Variants in NKAIN2 observed in about 807,000 individuals in gnomAD.
The protein encoded by NKAIN2 is sodium/potassium-transporting ATPase subunit beta-1-interacting protein 2.
In NKAIN2, 14 loss-of-function variants were observed where a neutral mutation model predicts 32.6. That is an observed-to-expected ratio of 0.43 (90% CI 0.28 to 0.67). NKAIN2 has a LOEUF of 0.67. Among genes scored for constraint, NKAIN2 ranks in the 30% least tolerant of loss-of-function variants. The pLI is 0.17. For synonymous variants in NKAIN2, 80 were observed against 87.2 expected, an observed-to-expected ratio of 0.92 and a Z score of 0.46; for missense variants, 198 against 258.3, an observed-to-expected ratio of 0.77 and a Z score of 1.60.
intron 1 of NKAIN2, among the ~76,000 whole-genome samples, chr6:123,908,159 T>G (rs1774985768): frequency 6.6e-6 from 1 of 152,184 alleles, no homozygotes; most frequent in South Asian, 2.1e-4. Flanking sequence ...TTCCCTTGCA[T>G]TTATCTTTGC....
In NKAIN2 at chr6:124,333,180, C is replaced by T. The variant is rs151205061; in HGVS notation, c.193-22087C>T. ...GAATATATGTATAGCACTTGGCCCT[C>T]GTGGCAAATTACTTGACACTAATAA... On this transcript the variant is annotated intron_variant, in intron 2 of 6. Coordinates refer to ENST00000368417, the MANE Select transcript of NKAIN2 (RefSeq NM_001040214.3). 1.5e-3 allele frequency among the ~76,000 whole-genome samples: 226 copies of T among 152,246 alleles called. 1 individual carries two copies. The highest frequency in any genetic ancestry group is 5.0e-3 in the African/African-American group (208 of 41,546).
chr6:124,239,440 A>G (rs1379558601), intron 1 of NKAIN2, among the ~76,000 whole-genome samples: 1 of 152,206 alleles, frequency 6.6e-6, no homozygotes, highest in Non-Finnish European at 1.5e-5. Flanking sequence ...AACAGAATAT[A>G]CATTCTTCTC....
chr6:124,651,561 C>T (rs568637397), intron 3 of NKAIN2, among the ~76,000 whole-genome samples: 1 of 152,166 alleles, frequency 6.6e-6, no homozygotes, highest in South Asian at 2.1e-4. Context: ...TGCCTCAAGG[C>T]TTACTGCTTG....
intron 2 of NKAIN2, among the ~76,000 whole-genome samples, chr6:124,349,580 T>C (rs1481947701): frequency 6.6e-6 from 1 of 152,198 alleles, no homozygotes; most frequent in Non-Finnish European, 1.5e-5. Context: ...CCCTGTAGCT[T>C]CTGTTGCAGT....
chr6:123,805,051 A>G (rs1045444093), intron 1 of NKAIN2, among the ~76,000 whole-genome samples: 3 of 152,206 alleles, frequency 2.0e-5, no homozygotes, highest in African/African-American at 7.2e-5. Context: ...GGAACCAATA[A>G]TGGAAAACGT....
chr6:124,412,301 G>T (rs1183466409), intron 3 of NKAIN2, among the ~76,000 whole-genome samples: 2 of 152,032 alleles, frequency 1.3e-5, no homozygotes, highest in African/African-American at 4.8e-5. Context: ...CCCCATCTTT[G>T]TGGTTTTATC....
rs1780024448 is a variant in NKAIN2, at chr6:124,796,926, C to T, written c.535+5527C>T. Among the ~76,000 whole-genome samples, 5 of 152,096 alleles carry T rather than the reference C, an allele frequency of 3.3e-5. No individual in the cohort carries two copies. The South Asian group carries it at 1.0e-3, about 32-fold the overall frequency. On this transcript the variant is annotated intron_variant, in intron 5 of 6. Transcript: ENST00000368417. ...GCCTCCCGTCTTCTATTCCCCTCTA[C>T]TTGTTCTCTTTTACACTATTCTGTA...
chr6:124,809,060 A>C (rs1359713057), intron 5 of NKAIN2, among the ~76,000 whole-genome samples: 2 of 152,210 alleles, frequency 1.3e-5, no homozygotes, highest in East Asian at 1.9e-4. Flanking sequence ...ATACTGCCCA[A>C]GGTAATTTAC....
chr6:124,401,757 T>A (rs1385892749), intron 3 of NKAIN2, among the ~76,000 whole-genome samples: 2 of 152,186 alleles, frequency 1.3e-5, no homozygotes, highest in Non-Finnish European at 2.9e-5. Flanking sequence ...CATTTTTCTA[T>A]TGGGTTTTTG....
chr6:124,062,735 C>G (rs1782975418), intron 1 of NKAIN2, among the ~76,000 whole-genome samples: 1 of 152,134 alleles, frequency 6.6e-6, no homozygotes, highest in South Asian at 2.1e-4. Flanking sequence ...AGTGAATCCT[C>G]TCTATGACTT....
At chr6:123,903,793 T>A (rs1400487240) in intron 1 of NKAIN2, among the ~76,000 whole-genome samples, 2 of 152,208 alleles carry the variant, frequency 1.3e-5, no homozygotes, top group African/African-American at 4.8e-5. Context: ...TTATTTAACT[T>A]GGTTAATAAG....
chr6:124,790,641 C>T (rs1012112083), intron 4 of NKAIN2, among the ~76,000 whole-genome samples: 5 of 152,030 alleles, frequency 3.3e-5, no homozygotes, highest in African/African-American at 7.2e-5. Flanking sequence ...GGAAGGAATA[C>T]AAAAACACCC....
intron 1 of NKAIN2, among the ~76,000 whole-genome samples, chr6:124,001,992 A>C (rs1779895263): frequency 6.6e-6 from 1 of 152,148 alleles, no homozygotes; most frequent in East Asian, 1.9e-4. Context: ...ACAAACATTT[A>C]TTCAATCCCA....
intron 3 of NKAIN2, among the ~76,000 whole-genome samples, chr6:124,587,408 T>C (rs532746645): frequency 6.6e-6 from 1 of 151,332 alleles, no homozygotes; most frequent in South Asian, 2.1e-4. Flanking sequence ...TTAGTAGAGA[T>C]GGGGTTTCAC....
At chr6:124,216,637 A>T (rs542722983) in intron 1 of NKAIN2, among the ~76,000 whole-genome samples, 2 of 152,296 alleles carry the variant, frequency 1.3e-5, no homozygotes, top group South Asian at 4.1e-4. Flanking sequence ...TTCTCAGTGC[A>T]AGAAGGCTAT....
chr6:123,986,796 C>G lies in NKAIN2; in HGVS notation c.54+182542C>G, dbSNP rs1048710463. On this transcript the variant is annotated intron_variant, in intron 1 of 6. Coordinates refer to ENST00000368417, the MANE Select transcript of NKAIN2 (RefSeq NM_001040214.3). ...AAGTCAAGTTGCCTAGCAGAAAAAT[C>G]AGGTACGGTTTCACTCAAATGGATG... Among the ~76,000 whole-genome samples, 4 of 152,236 alleles carry G rather than the reference C, an allele frequency of 2.6e-5. No individual in the cohort carries two copies. The South Asian group carries it at 8.3e-4, about 32-fold the overall frequency.
Position 124,546,837 on chromosome 6 carries a change from GAGA to G in NKAIN2, c.274-111344_274-111342del, listed in dbSNP as rs199863734. 5.7e-3 allele frequency among the ~76,000 whole-genome samples: 866 copies of G among 152,174 alleles called. 13 individuals carry two copies. The highest frequency in any genetic ancestry group is 6.5e-3 in the Admixed American group (99 of 15,288). On this transcript the variant is annotated intron_variant, in intron 3 of 6. Coordinates refer to ENST00000368417, the MANE Select transcript of NKAIN2 (RefSeq NM_001040214.3). ...GGACATTGGAAGTGATAGTGAATAG[GAGA>G]AGAACATCTCAGGCAGAGAGATAAA...
intron 4 of NKAIN2, among the ~76,000 whole-genome samples, chr6:124,749,082 T>A (rs1244489709): frequency 6.6e-6 from 1 of 151,902 alleles, no homozygotes; most frequent in African/African-American, 2.4e-5. Flanking sequence ...ATTGAAAGAA[T>A]TCAGTTCTTT....
chr6:123,908,496 A>G (rs1003897481), intron 1 of NKAIN2, among the ~76,000 whole-genome samples: 4 of 152,156 alleles, frequency 2.6e-5, no homozygotes, highest in Admixed American at 6.6e-5. Context: ...TTTAATACAC[A>G]TGTTCAAAGT....
Sources: gnomAD v4.1 joint callset for allele counts (sites outside exome capture counted in the v4.1 genomes callset) on GRCh38, gnomAD v4.1.1 for gene constraint, MANE v1.5 for transcripts, NCBI Gene and HGNC (gene_info 2026-07-23, HGNC 2026-07-21) for gene names.